Variants in GTF2A1L observed in about 807,000 individuals in gnomAD.
The protein encoded by GTF2A1L is TFIIA-alpha and beta-like factor.
GTF2A1L carries 48 observed loss-of-function variants against 49.7 expected under a neutral mutation model. The observed-to-expected ratio is 0.97, with a 90% CI of 0.77 to 1.23. The LOEUF (loss-of-function observed/expected upper bound fraction) is 1.23, where lower values mean the gene tolerates loss of function less well. Ranked by LOEUF, GTF2A1L falls within the 50% of genes most tolerant of loss-of-function variation. The probability of loss-of-function intolerance (pLI) is 0.00; values close to 1 mark genes in which losing one functional copy is unlikely to be tolerated. For synonymous variants in GTF2A1L, 246 were observed against 193.5 expected, an observed-to-expected ratio of 1.27 and a Z score of -2.25; for missense variants, 736 against 564.8, an observed-to-expected ratio of 1.30 and a Z score of -3.07.
intron 3 of GTF2A1L, among the ~76,000 whole-genome samples, chr2:48,638,601 A>C (rs754608174): frequency 1.3e-5 from 2 of 152,186 alleles, no homozygotes; most frequent in Admixed American, 6.6e-5. Context: ...ATCTATGACA[A>C]ACCTACAGCC....
At chr2:48,653,997 A>T (rs1020348595) in intron 6 of GTF2A1L, among the ~76,000 whole-genome samples, 2 of 150,210 alleles carry the variant, frequency 1.3e-5, no homozygotes, top group Non-Finnish European at 3.0e-5. Context: ...AATACCTAGG[A>T]GTGGGATTGT....
chr2:48,619,503 A>G (rs1675858134), intron 1 of GTF2A1L, among the ~76,000 whole-genome samples: 1 of 151,780 alleles, frequency 6.6e-6, no homozygotes, highest in Non-Finnish European at 1.5e-5. Context: ...AATAAAAAAA[A>G]AGCACAGCTA....
intron 6 of GTF2A1L, among the ~76,000 whole-genome samples, chr2:48,653,666 G>A (rs925900585): frequency 5.3e-5 from 8 of 151,990 alleles, no homozygotes; most frequent in Admixed American, 3.3e-4. Flanking sequence ...TGAAAGGGCC[G>A]GGCACTGGGT....
intron 3 of GTF2A1L, among the ~76,000 whole-genome samples, chr2:48,639,055 A>G (rs1677059720): frequency 6.6e-6 from 1 of 152,206 alleles, no homozygotes; most frequent in Non-Finnish European, 1.5e-5. Context: ...ATCAGAAGAC[A>G]CAAACAAATG....
intron 6 of GTF2A1L, among the ~76,000 whole-genome samples, chr2:48,662,544 A>G (rs1678571959): frequency 1.3e-5 from 2 of 152,150 alleles, no homozygotes; most frequent in Non-Finnish European, 2.9e-5. Context: ...GATCCATGGC[A>G]ATAGGAACTA....
intron 6 of GTF2A1L, among the ~76,000 whole-genome samples, chr2:48,654,714 ATTGTTTTAGCATTGTTTGT>A (rs1202648083): frequency 4.6e-5 from 7 of 152,054 alleles, no homozygotes; most frequent in Non-Finnish European, 1.0e-4. Flanking sequence ...TGGATATTCA[ATTGTTTTAGCATTGTTTGT>A]TAAAAAGACT....
At chr2:48,644,974 A>G (rs34156631) in intron 4 of GTF2A1L, 59 bp from the exon 5 acceptor site, 158,037 of 1,490,110 alleles carry the variant, frequency 0.11, 8,827 homozygotes, top group African/African-American at 0.12. Flanking sequence ...GAGATCAGGG[A>G]AAAAAAGATA....
At chr2:48,658,341 C>T (rs773683554) in intron 6 of GTF2A1L, among the ~76,000 whole-genome samples, 2 of 152,152 alleles carry the variant, frequency 1.3e-5, no homozygotes, top group East Asian at 1.9e-4. Flanking sequence ...TATCCCATCA[C>T]CATTTATTGA....
chr2:48,631,471 T>A (rs988196116), intron 3 of GTF2A1L, among the ~76,000 whole-genome samples: 1 of 152,150 alleles, frequency 6.6e-6, no homozygotes, highest in Non-Finnish European at 1.5e-5. Context: ...TGTAATGTCA[T>A]CTTTGTCATT....
intron 8 of GTF2A1L, among the ~76,000 whole-genome samples, chr2:48,677,983 G>C (rs1207062890): frequency 1.4e-5 from 1 of 71,158 alleles, no homozygotes; most frequent in Non-Finnish European, 3.3e-5. Flanking sequence ...AGATGGGTGT[G>C]TGTGTGTGTG....
At chr2:48,634,873 C>G (rs1251199128) in intron 3 of GTF2A1L, among the ~76,000 whole-genome samples, 1 of 152,102 alleles carries the variant, frequency 6.6e-6, no homozygotes, top group Non-Finnish European at 1.5e-5. Flanking sequence ...GGGCAGGGGC[C>G]ATGAAGAGTG....
chr2:48,653,298 A>T (rs1179409206), intron 6 of GTF2A1L, among the ~76,000 whole-genome samples: 1 of 152,110 alleles, frequency 6.6e-6, no homozygotes, highest in East Asian at 1.9e-4. Flanking sequence ...TCATCTTTTA[A>T]AAGGTAGCTT....
chr2:48,648,505 G>A (rs969761261), intron 6 of GTF2A1L, among the ~76,000 whole-genome samples: 4 of 152,052 alleles, frequency 2.6e-5, no homozygotes, highest in African/African-American at 9.7e-5. Context: ...ATTAATCAAG[G>A]ATTGATTGGG....
At chr2:48,625,828 C>T (rs1029825126) in intron 3 of GTF2A1L, among the ~76,000 whole-genome samples, 5 of 143,798 alleles carry the variant, frequency 3.5e-5, no homozygotes, top group African/African-American at 9.9e-5. Flanking sequence ...AGCAATCCTC[C>T]TGCCTCGGCC....
intron 1 of GTF2A1L, among the ~76,000 whole-genome samples, chr2:48,620,441 C>T (rs754891553): frequency 2.6e-5 from 4 of 152,172 alleles, no homozygotes; most frequent in Non-Finnish European, 5.9e-5. Flanking sequence ...AGAAGGTATG[C>T]ACTGCATATC....
At chr2:48,633,856 T>C (rs1321215009) in intron 3 of GTF2A1L, among the ~76,000 whole-genome samples, 1 of 151,738 alleles carries the variant, frequency 6.6e-6, no homozygotes, top group Non-Finnish European at 1.5e-5. Flanking sequence ...TTAAGACTTC[T>C]TGTGGAATTG....
chr2:48,671,551 C>G, intron 7 of GTF2A1L, 40 bp from the exon 8 acceptor site: 1 of 1,581,636 alleles, frequency 6.3e-7, no homozygotes, highest in Non-Finnish European at 8.6e-7. Flanking sequence ...CAATTTAAAG[C>G]ATCATAAAAT....
chr2:48,658,969 A>T (rs1048906960), intron 6 of GTF2A1L, among the ~76,000 whole-genome samples: 3 of 152,080 alleles, frequency 2.0e-5, no homozygotes, highest in Non-Finnish European at 4.4e-5. Context: ...TGGGATATGA[A>T]ATTGTTGGTT....
intron 3 of GTF2A1L, among the ~76,000 whole-genome samples, chr2:48,631,444 G>A (rs1676567686): frequency 6.6e-6 from 1 of 152,000 alleles, no homozygotes. Context: ...AGGATCTTTT[G>A]TATTTCTGTG....
Sources: allele counts gnomAD v4.1 joint callset (sites outside exome capture counted in the v4.1 genomes callset), GRCh38; gene constraint gnomAD v4.1.1; transcripts MANE v1.5; gene names NCBI Gene and HGNC (gene_info 2026-07-23, HGNC 2026-07-21).